The following RBM33 variants were observed in gnomAD, a reference collection of about 807,000 sequenced individuals.
RBM33 encodes RNA-binding protein 33.
In RBM33, 28 loss-of-function variants were observed where a neutral mutation model predicts 132.6. The ratio of observed to expected loss-of-function variants is 0.21; its 90% CI spans 0.16 to 0.29. RBM33 has a LOEUF of 0.29. Ranked by LOEUF, RBM33 falls within the 10% of genes least tolerant of loss-of-function variation. The probability of loss-of-function intolerance (pLI) is 1.00; values close to 1 mark genes in which losing one functional copy is unlikely to be tolerated. For missense variants in RBM33, 1,291 were observed against 1,518.5 expected, an observed-to-expected ratio of 0.85 and a Z score of 2.49; for synonymous variants, 634 against 593.0, an observed-to-expected ratio of 1.07 and a Z score of -1.01.
chr7:155,691,362 C>G (rs1420956528), intron 5 of RBM33, among the ~76,000 whole-genome samples: 9 of 152,130 alleles, frequency 5.9e-5, no homozygotes, highest in Non-Finnish European at 1.0e-4. Flanking sequence ...TCTAGTTAGC[C>G]ATTCGTCTAA....
intron 1 of RBM33, among the ~76,000 whole-genome samples, chr7:155,656,270 A>G (rs1798488096): frequency 6.6e-6 from 1 of 152,234 alleles, no homozygotes; most frequent in African/African-American, 2.4e-5. Flanking sequence ...GGAGTACTAC[A>G]TAAATCAGGG....
At chr7:155,678,547 C>CT in intron 3 of RBM33, 61 bp from the exon 4 acceptor site, 2 of 1,112,370 alleles carry the variant, frequency 1.8e-6, no homozygotes. Flanking sequence ...TAATTTTGTG[C>CT]TTTTTAACAA....
At chr7:155,727,008 T>C (rs1427794761) in intron 9 of RBM33, among the ~76,000 whole-genome samples, 2 of 152,218 alleles carry the variant, frequency 1.3e-5, no homozygotes, top group African/African-American at 4.8e-5. Context: ...TCAGCTACAA[T>C]AGAATATCAG....
rs746099792 is a variant in RBM33 at position 155,777,941 on chromosome 7, T to A, written c.*2900T>A. ...GCTGATTATGTGGAGCCAAGTTACT[T>A]CTTTTCTTTTTGCATTATCTTGTTT... On this transcript the variant is annotated 3_prime_UTR_variant, in exon 18 of 18. Transcript: ENST00000401878. The A allele has an allele frequency of 1.3e-5, 2 of 152,682 alleles. No homozygotes were observed. The highest frequency in any genetic ancestry group is 2.9e-5 in the Non-Finnish European group (2 of 68,038). 9.5% of individuals were successfully genotyped at this position (152,682 alleles called of 1,614,324 possible).
intron 3 of RBM33, among the ~76,000 whole-genome samples, chr7:155,677,965 C>G (rs892726317): frequency 2.6e-5 from 4 of 152,014 alleles, no homozygotes; most frequent in Admixed American, 2.0e-4. Context: ...GTGTGAATAA[C>G]ACCCCCCCAA....
At chr7:155,728,095 A>G (rs1800844394) in intron 9 of RBM33, among the ~76,000 whole-genome samples, 1 of 152,078 alleles carries the variant, frequency 6.6e-6, no homozygotes, top group South Asian at 2.1e-4. Context: ...ACTCTGGTAT[A>G]TTTCACGGAT....
chr7:155,757,835 G>A (rs879643979), intron 14 of RBM33, among the ~76,000 whole-genome samples: 1 of 145,286 alleles, frequency 6.9e-6, no homozygotes, highest in African/African-American at 2.5e-5. Flanking sequence ...GGAATGCAGA[G>A]TGGGGAGCAG....
rs941691370 is a variant in RBM33, at chr7:155,774,077, A to G, written c.3376-482A>G. 2.0e-5 allele frequency among the ~76,000 whole-genome samples: 3 copies of G among 152,268 alleles called. No homozygotes were observed. The highest frequency in any genetic ancestry group is 4.4e-5 in the Non-Finnish European group (3 of 68,046). On this transcript the variant is annotated intron_variant, in intron 16 of 17. Coordinates refer to ENST00000401878, the MANE Select transcript of RBM33 (RefSeq NM_053043.3). The surrounding 1 kb of genome is among the most constrained non-coding windows in gnomAD (Gnocchi z 4.2). ...CCACTGCCCTCACCATGGCCCAGCC[A>G]GATGCACAGAGATGGTAGACTAGGG...
intron 7 of RBM33, among the ~76,000 whole-genome samples, chr7:155,709,516 C>T (rs78164679): frequency 0.011 from 1,616 of 152,308 alleles, 21 homozygotes; most frequent in African/African-American, 0.037. Flanking sequence ...TCCATTTTCT[C>T]CATCTCCCAA....
intron 6 of RBM33, chr7:155,701,252 G>C: frequency 2.2e-6 from 1 of 463,508 alleles, no homozygotes; most frequent in Non-Finnish European, 3.8e-6. Context: ...TCTTGAAAAG[G>C]TGGCATGGGG....
chr7:155,711,534 G>C lies in RBM33; in HGVS notation c.1201+79G>C, dbSNP rs189241733. 24 of 959,024 alleles carry C rather than the reference G, an allele frequency of 2.5e-5. No individual in the cohort carries two copies. In the Middle Eastern group the frequency reaches 7.1e-4, roughly 28 times the overall value. The allele number at this position is 959,024 out of a possible 1,614,324, so 59.4% of individuals were successfully genotyped here. A position where few individuals can be genotyped will look rare whatever the true frequency, so the allele number is the denominator to read the frequency against. On this transcript the variant is annotated intron_variant, in intron 8 of 17. Transcript: ENST00000401878. ...TTTGACTTAGGATTTTTCCACTGAC[G>C]CGTTTTTGACTTCATGAGTGTGTGA...
intron 1 of RBM33, among the ~76,000 whole-genome samples, chr7:155,651,535 G>A (rs998667215): frequency 7.4e-6 from 1 of 135,190 alleles, no homozygotes; most frequent in East Asian, 2.3e-4. Context: ...AGCCGAGATC[G>A]CACCACTGCA....
rs1382103281 is a variant in RBM33, at chr7:155,779,231, G to C, written c.*4190G>C. On this transcript the variant is annotated 3_prime_UTR_variant, in exon 18 of 18. Transcript: ENST00000401878. ...TTTTTTTAATTTGGAGTGGGAGGGAGGGGGGTGGGCGAGAGAAAGCTCGAA... is the reference window on the plus strand; with the variant it reads ...TTTTTTTAATTTGGAGTGGGAGGGACGGGGGTGGGCGAGAGAAAGCTCGAA... 3 of 149,326 alleles carry C rather than the reference G, an allele frequency of 2.0e-5. No homozygotes were observed. Among genetic ancestry groups the C allele is most frequent in the African/African-American group, 7.4e-5 (3 of 40,432 alleles). The allele number at this position is 149,326 out of a possible 1,614,324, so 9.3% of individuals were successfully genotyped here. A position where few individuals can be genotyped will look rare whatever the true frequency, so the allele number is the denominator to read the frequency against.
rs564588031 is a variant in RBM33, at chr7:155,692,587, T to C, written c.568-8186T>C. On this transcript the variant is annotated intron_variant, in intron 5 of 17. Transcript: ENST00000401878. The stretch of plus-strand genomic sequence containing the variant: ...TCTCTTCACACGGCCCAGTTGGGAG[T>C]GGGGCTTCTTGGAGCTGGTGCAGAA... Among the ~76,000 whole-genome samples, 3 of 152,082 alleles carry C rather than the reference T, an allele frequency of 2.0e-5. No individual in the cohort carries two copies. In the South Asian group the frequency reaches 6.2e-4, roughly 32 times the overall value.
intron 7 of RBM33, among the ~76,000 whole-genome samples, chr7:155,708,418 C>T (rs565241975): frequency 2.6e-5 from 4 of 152,268 alleles, no homozygotes; most frequent in South Asian, 4.2e-4. Context: ...TGGCCTCTTT[C>T]GGGGCCAAAC....
At chr7:155,744,377 T>C (rs940738473) in intron 13 of RBM33, among the ~76,000 whole-genome samples, 4 of 152,244 alleles carry the variant, frequency 2.6e-5, no homozygotes, top group African/African-American at 9.6e-5. Context: ...AGGCGTTCCT[T>C]ATATACCATT....
chr7:155,731,578 A>G (rs938668914), intron 9 of RBM33, among the ~76,000 whole-genome samples: 4 of 152,220 alleles, frequency 2.6e-5, no homozygotes, highest in Non-Finnish European at 5.9e-5. Context: ...TTCAGCATGG[A>G]TCCTCTGGAC....
At chr7:155,649,733 G>T (rs1798304432) in intron 1 of RBM33, among the ~76,000 whole-genome samples, 1 of 152,062 alleles carries the variant, frequency 6.6e-6, no homozygotes, top group Admixed American at 6.6e-5. Context: ...CCATTGTGTT[G>T]TATCATTGCC....
intron 5 of RBM33, among the ~76,000 whole-genome samples, chr7:155,688,125 A>C (rs1056055345): frequency 3.9e-5 from 6 of 152,162 alleles, no homozygotes; most frequent in African/African-American, 1.4e-4. Flanking sequence ...ATGTTCTTCC[A>C]TTTGCGTGTG....
Sources: gnomAD v4.1 joint callset for allele counts (sites outside exome capture counted in the v4.1 genomes callset) on GRCh38, gnomAD v4.1.1 for gene constraint, Gnocchi (gnomAD v3.1) non-coding constraint, MANE v1.5 for transcripts, NCBI Gene and HGNC (gene_info 2026-07-23, HGNC 2026-07-21) for gene names.